ACOXL: variants seen among roughly 807,000 people sequenced by gnomAD.
ACOXL encodes acyl-CoA oxidase like, also known as acyl-coenzyme A oxidase-like protein.
A neutral mutation model predicts 71.9 loss-of-function variants in ACOXL; 70 were observed. The observed-to-expected ratio is 0.97, with a 90% CI of 0.80 to 1.19. ACOXL has a LOEUF of 1.19. ACOXL is among the 50% of genes most tolerant of loss of function. The pLI, the probability that ACOXL is intolerant of heterozygous loss-of-function variation, is 0.00. For missense variants in ACOXL, 703 were observed against 736.3 expected (o/e 0.95, Z 0.52); for synonymous variants, 253 against 281.6 (o/e 0.90, Z 1.02).
At chr2:111,031,413 A>T (rs1338413210) in intron 14 of ACOXL, among the ~76,000 whole-genome samples, 2 of 152,194 alleles carry the variant, frequency 1.3e-5, no homozygotes, top group African/African-American at 4.8e-5. Flanking sequence ...ATAAATTAAT[A>T]TAAGCATGGA....
At chr2:110,968,581 A>C (rs2062036364) in intron 12 of ACOXL, 1 of 939,032 alleles carries the variant, frequency 1.1e-6, no homozygotes, top group Non-Finnish European at 1.6e-6. Context: ...TTATACATCA[A>C]GTCTATGAAA....
intron 10 of ACOXL, among the ~76,000 whole-genome samples, chr2:110,850,806 A>G (rs528728491): frequency 4.9e-4 from 75 of 152,330 alleles, no homozygotes; most frequent in African/African-American, 1.8e-3. Flanking sequence ...CCCAGAGATT[A>G]CACTCCCGGA....
intron 9 of ACOXL, among the ~76,000 whole-genome samples, chr2:110,813,655 G>T (rs533593034): frequency 1.3e-5 from 2 of 152,266 alleles, no homozygotes; most frequent in Non-Finnish European, 2.9e-5. Flanking sequence ...TAGCATAGAT[G>T]CTTGTACAGG....
chr2:110,975,513 A>C (rs376096187), intron 12 of ACOXL, among the ~76,000 whole-genome samples: 4 of 152,324 alleles, frequency 2.6e-5, no homozygotes, highest in African/African-American at 7.2e-5. Flanking sequence ...TTTTCTAAAA[A>C]TAAGAATCTT....
rs1223089873 is a variant in ACOXL, at chr2:111,074,165, GTT to G, written c.1441-18688_1441-18687del. On this transcript the variant is annotated intron_variant, in intron 16 of 17. Transcript: ENST00000439055. ...TGTCGGGGGACATTTACTGTGTGTTGTTTTTTTTTTTTTCTATGTAAGCAAGC... is the reference window on the plus strand; with the variant it reads ...TGTCGGGGGACATTTACTGTGTGTTGTTTTTTTTTTTCTATGTAAGCAAGC... Among the ~76,000 whole-genome samples the G allele has an allele frequency of 1.3e-4, 19 of 142,160 alleles. No individual in the cohort carries two copies. The East Asian group carries it at 1.6e-3, about 12-fold the overall frequency. The allele number at this position is 142,160 out of a possible 152,430, so 93.3% of individuals were successfully genotyped here. A position where few individuals can be genotyped will look rare whatever the true frequency, so the allele number is the denominator to read the frequency against.
At chr2:111,098,533 G>A (rs2068938528) in intron 17 of ACOXL, 1 of 152,070 alleles carries the variant, frequency 6.6e-6, no homozygotes, top group Non-Finnish European at 1.5e-5. Context: ...CAGGAGATAT[G>A]GTAACTAAAT....
intron 5 of ACOXL, 131 bp from the exon 6 acceptor site, chr2:110,798,479 A>G (rs1185487784): frequency 4.6e-6 from 3 of 654,568 alleles, no homozygotes; most frequent in Admixed American, 4.5e-5. Context: ...GATGGTCTCG[A>G]TCTCCTGACC....
chr2:110,958,512 G>T (rs1209659186), intron 12 of ACOXL, among the ~76,000 whole-genome samples: 1 of 152,196 alleles, frequency 6.6e-6, no homozygotes, highest in African/African-American at 2.4e-5. Context: ...CATTCAGTTG[G>T]CAGCTCCAAA....
chr2:111,044,295 A>G (rs546395520), intron 15 of ACOXL, among the ~76,000 whole-genome samples: 1 of 152,334 alleles, frequency 6.6e-6, no homozygotes, highest in Middle Eastern at 3.4e-3. Context: ...TCTAGAGTGG[A>G]CACGGCAGTG....
intron 9 of ACOXL, among the ~76,000 whole-genome samples, chr2:110,814,099 A>T (rs1687652933): frequency 6.6e-6 from 1 of 152,190 alleles, no homozygotes; most frequent in Admixed American, 6.5e-5. Flanking sequence ...TGCCTTGGTT[A>T]ACCAAACCAA....
chr2:110,914,710 T>C (rs2059774021), intron 11 of ACOXL, among the ~76,000 whole-genome samples: 1 of 152,242 alleles, frequency 6.6e-6, no homozygotes, highest in African/African-American at 2.4e-5. Flanking sequence ...TTCAGTACAA[T>C]ATTGAGTAGC....
At chr2:110,982,967 G>A (rs962764322) in intron 12 of ACOXL, among the ~76,000 whole-genome samples, 1 of 152,076 alleles carries the variant, frequency 6.6e-6, no homozygotes, top group Non-Finnish European at 1.5e-5. Flanking sequence ...TTTGCGTTGG[G>A]CCCCAAATTA....
intron 11 of ACOXL, among the ~76,000 whole-genome samples, chr2:110,927,944 C>G (rs535673724): frequency 2.0e-5 from 3 of 152,216 alleles, no homozygotes; most frequent in Non-Finnish European, 4.4e-5. Context: ...GTGGGATTTG[C>G]TACAGGGATG....
intron 11 of ACOXL, among the ~76,000 whole-genome samples, chr2:110,915,043 A>G (rs1350379946): frequency 6.6e-6 from 1 of 151,918 alleles, no homozygotes; most frequent in Non-Finnish European, 1.5e-5. Flanking sequence ...TGTACAATTA[A>G]GTTATTACTG....
intron 12 of ACOXL, among the ~76,000 whole-genome samples, chr2:110,954,801 C>A (rs2061439296): frequency 1.1e-5 from 1 of 88,584 alleles, no homozygotes; most frequent in African/African-American, 3.7e-5. Flanking sequence ...GGGGTACTTT[C>A]TTCTAAACAC....
chr2:110,872,118 G>A (rs1255599492), intron 10 of ACOXL, among the ~76,000 whole-genome samples: 1 of 152,196 alleles, frequency 6.6e-6, no homozygotes, highest in Non-Finnish European at 1.5e-5. Context: ...GTCCTTTAGG[G>A]CCTCTCTGCT....
intron 10 of ACOXL, among the ~76,000 whole-genome samples, chr2:110,853,508 A>G (rs1362078377): frequency 6.6e-6 from 1 of 152,218 alleles, no homozygotes; most frequent in African/African-American, 2.4e-5. Context: ...TTGATAAAAT[A>G]CTTTCAATAT....
intron 16 of ACOXL, among the ~76,000 whole-genome samples, chr2:111,087,760 C>T (rs1215200561): frequency 6.6e-6 from 1 of 152,086 alleles, no homozygotes; most frequent in Non-Finnish European, 1.5e-5. Flanking sequence ...GACAAAGATG[C>T]CAAAAGCAAT....
At chr2:110,990,211 C>A (rs1490961443) in intron 13 of ACOXL, among the ~76,000 whole-genome samples, 1 of 152,308 alleles carries the variant, frequency 6.6e-6, no homozygotes, top group East Asian at 1.9e-4. Flanking sequence ...CAAAGATTTT[C>A]ATCTTCAAAG....
Sources: gnomAD v4.1 joint callset for allele counts (sites outside exome capture counted in the v4.1 genomes callset) on GRCh38, gnomAD v4.1.1 for gene constraint, MANE v1.5 for transcripts, NCBI Gene and HGNC (gene_info 2026-07-23, HGNC 2026-07-21) for gene names.